Variants in RPTOR observed in about 807,000 individuals in gnomAD.
The protein encoded by RPTOR is regulatory associated protein of MTOR complex 1.
A neutral mutation model predicts 169.9 loss-of-function variants in RPTOR; 21 were observed. The observed-to-expected ratio is 0.12, with a 90% CI of 0.09 to 0.18. The LOEUF is 0.18. Among genes scored for constraint, RPTOR ranks in the 10% least tolerant of loss-of-function variants. The pLI, the probability that RPTOR is intolerant of heterozygous loss-of-function variation, is 1.00. For synonymous variants in RPTOR, 732 were observed against 753.2 expected, an observed-to-expected ratio of 0.97 and a Z score of 0.46; for missense variants, 1,133 against 1,855.9, an observed-to-expected ratio of 0.61 and a Z score of 7.16.
chr17:80,613,994 T>C (rs906500074), intron 1 of RPTOR, among the ~76,000 whole-genome samples: 1 of 152,224 alleles, frequency 6.6e-6, no homozygotes, highest in Non-Finnish European at 1.5e-5. Flanking sequence ...CTCCTGGTGT[T>C]GGTGGAAGGC....
intron 6 of RPTOR, among the ~76,000 whole-genome samples, chr17:80,789,779 C>T (rs928099242): frequency 1.3e-5 from 2 of 152,188 alleles, no homozygotes; most frequent in African/African-American, 2.4e-5. Context: ...CTAAGGGTCA[C>T]GGCCCTTCCA....
intron 3 of RPTOR, among the ~76,000 whole-genome samples, chr17:80,648,608 C>T (rs2065614859): frequency 6.6e-6 from 1 of 152,148 alleles, no homozygotes; most frequent in Non-Finnish European, 1.5e-5. Flanking sequence ...CTAAGATCCA[C>T]TTGTCTTCTT....
intron 24 of RPTOR, among the ~76,000 whole-genome samples, chr17:80,939,199 C>T (rs1476260477): frequency 6.6e-6 from 1 of 152,190 alleles, no homozygotes; most frequent in African/African-American, 2.4e-5. Context: ...ATTGACTGGA[C>T]GGCATGTATG....
intron 3 of RPTOR, among the ~76,000 whole-genome samples, chr17:80,654,980 C>A (rs1289216095): frequency 6.6e-6 from 1 of 152,222 alleles, no homozygotes; most frequent in Non-Finnish European, 1.5e-5. Flanking sequence ...AGTTACCAAA[C>A]CATTCCTCTT....
intron 11 of RPTOR, among the ~76,000 whole-genome samples, chr17:80,848,416 C>T (rs1027195995): frequency 2.6e-5 from 4 of 152,258 alleles, no homozygotes; most frequent in African/African-American, 9.6e-5. Flanking sequence ...TACCTAGATT[C>T]GTTTAAGACT....
At chr17:80,901,587 A>G (rs2068476905) in intron 20 of RPTOR, among the ~76,000 whole-genome samples, 1 of 152,210 alleles carries the variant, frequency 6.6e-6, no homozygotes, top group Non-Finnish European at 1.5e-5. Context: ...TTTAGAAGTC[A>G]TAACTTACAC....
chr17:80,838,568 A>C (rs372113580), intron 10 of RPTOR, among the ~76,000 whole-genome samples: 1 of 152,256 alleles, frequency 6.6e-6, no homozygotes, highest in South Asian at 2.1e-4. Context: ...TGAGGCGCCA[A>C]GTCTGAAAAT....
intron 11 of RPTOR, among the ~76,000 whole-genome samples, chr17:80,849,591 C>T (rs1195491024): frequency 6.6e-6 from 1 of 152,210 alleles, no homozygotes; most frequent in Non-Finnish European, 1.5e-5. Flanking sequence ...GCGGTCTCAG[C>T]TCACTGCAAC....
intron 1 of RPTOR, among the ~76,000 whole-genome samples, chr17:80,564,207 C>T (rs897969432): frequency 2.6e-5 from 4 of 151,984 alleles, no homozygotes; most frequent in Admixed American, 6.6e-5. Flanking sequence ...GAACTACAGG[C>T]GCCTGCCACC....
At chr17:80,796,851 G>A (rs2067106534) in intron 7 of RPTOR, among the ~76,000 whole-genome samples, 1 of 152,148 alleles carries the variant, frequency 6.6e-6, no homozygotes, top group Non-Finnish European at 1.5e-5. Flanking sequence ...AGGTTAAATT[G>A]CGGGTGGCTG....
chr17:80,920,651 G>A (rs1051772666), intron 21 of RPTOR, among the ~76,000 whole-genome samples: 5 of 152,242 alleles, frequency 3.3e-5, no homozygotes, highest in East Asian at 1.9e-4. Context: ...GCGGCTCAGC[G>A]TGACGTCCCA....
At chr17:80,689,356 G>A (rs1204782353) in intron 3 of RPTOR, among the ~76,000 whole-genome samples, 1 of 152,242 alleles carries the variant, frequency 6.6e-6, no homozygotes, top group Non-Finnish European at 1.5e-5. Context: ...AGTTCTAGGT[G>A]TAGCAGGGGC....
At chr17:80,655,594 A>G (rs1238334604) in intron 3 of RPTOR, among the ~76,000 whole-genome samples, 4 of 124,250 alleles carry the variant, frequency 3.2e-5, no homozygotes, top group African/African-American at 1.2e-4. Context: ...TTTTTTTTGT[A>G]GAGGTGGTGT....
intron 3 of RPTOR, among the ~76,000 whole-genome samples, chr17:80,685,310 C>G (rs2065931510): frequency 6.6e-6 from 1 of 151,034 alleles, no homozygotes; most frequent in Admixed American, 6.6e-5. Context: ...AGGTATTGCT[C>G]TGTCTCCCAG....
At chr17:80,949,353 C>A in intron 27 of RPTOR, 90 bp from the exon 28 acceptor site, 1 of 1,130,472 alleles carries the variant, frequency 8.8e-7, no homozygotes, top group Non-Finnish European at 1.3e-6. Context: ...TGCAGCACGT[C>A]TGCCAGGAAG....
Position 80,947,391 on chromosome 17 carries a change from C to A in RPTOR, c.3265+40C>A. The A allele has an allele frequency of 6.6e-7, 1 of 1,505,508 alleles. No homozygotes were observed. The highest frequency in any genetic ancestry group is 1.3e-5 in the South Asian group (1 of 75,308). The allele number at this position is 1,505,508 out of a possible 1,614,324, so 93.3% of individuals were successfully genotyped here. A position where few individuals can be genotyped will look rare whatever the true frequency, so the allele number is the denominator to read the frequency against. ...CACAGCCAGGATTGGAAGCCAGGGTCTGGAGGAGTGGCGGGGAGGGTGTGT... is the reference window on the plus strand; with the variant it reads ...CACAGCCAGGATTGGAAGCCAGGGTATGGAGGAGTGGCGGGGAGGGTGTGT... On this transcript the variant is annotated intron_variant, in intron 27 of 33. Transcript: ENST00000306801. The surrounding 1 kb of genome is among the most constrained non-coding windows in gnomAD (Gnocchi z 4.4).
chr17:80,928,266 A>G (rs1408635281), intron 24 of RPTOR, among the ~76,000 whole-genome samples: 3 of 151,324 alleles, frequency 2.0e-5, no homozygotes, highest in Non-Finnish European at 3.0e-5. Context: ...TTGTTTTCCT[A>G]CTTTTTCTAG....
At chr17:80,851,965 C>T (rs893821982) in intron 11 of RPTOR, among the ~76,000 whole-genome samples, 6 of 152,202 alleles carry the variant, frequency 3.9e-5, no homozygotes, top group Non-Finnish European at 7.3e-5. Context: ...CTGATGATGT[C>T]TTTGATTTCT....
At chr17:80,626,273 G>C (rs1042971055) in intron 2 of RPTOR, among the ~76,000 whole-genome samples, 3 of 151,996 alleles carry the variant, frequency 2.0e-5, no homozygotes, top group Non-Finnish European at 4.4e-5. Context: ...GGATGGTCTC[G>C]ATCTCCTGAC....
Sources: gnomAD v4.1 joint callset for allele counts (sites outside exome capture counted in the v4.1 genomes callset) on GRCh38, gnomAD v4.1.1 for gene constraint, Gnocchi (gnomAD v3.1) non-coding constraint, MANE v1.5 for transcripts, NCBI Gene and HGNC (gene_info 2026-07-23, HGNC 2026-07-21) for gene names.